Variants in RIMKLB observed in about 807,000 individuals in gnomAD.
The protein encoded by RIMKLB is beta-citrylglutamate synthase B.
A neutral mutation model predicts 32.0 loss-of-function variants in RIMKLB; 7 were observed. The ratio of observed to expected loss-of-function variants is 0.22; its 90% confidence interval spans 0.12 to 0.41. The LOEUF (loss-of-function observed/expected upper bound fraction) is 0.41, where lower values mean the gene tolerates loss of function less well. RIMKLB is among the 10% of genes least tolerant of loss of function. RIMKLB has a pLI of 1.00. For synonymous variants in RIMKLB, 172 were observed against 185.1 expected (o/e 0.93, Z 0.57); for missense variants, 289 against 498.7 (o/e 0.58, Z 4.00).
At chr12:8,706,882 T>G (rs1220407826) in intron 1 of RIMKLB, among the ~76,000 whole-genome samples, 1 of 152,130 alleles carries the variant, frequency 6.6e-6, no homozygotes, top group Admixed American at 6.5e-5. Context: ...GGGTCAGTGG[T>G]TCAGAAGGAA....
At position 8,711,289 on chromosome 12, in the gene RIMKLB, G is replaced by A. The variant is rs114922534; in HGVS notation, c.-56-2522G>A. Reference sequence around the variant, plus strand: ...TTTGCTCCTGTCATCTCAGCTACTTGGGAGGCAGAGGAGACAGGTGGATCA... The same window carrying A: ...TTTGCTCCTGTCATCTCAGCTACTTAGGAGGCAGAGGAGACAGGTGGATCA... On this transcript the variant is annotated intron_variant, in intron 1 of 5. Transcript: ENST00000535829. Among the ~76,000 whole-genome samples the A allele has an allele frequency of 7.3e-3, 1,111 of 151,978 alleles. 11 individuals carry two copies. Among genetic ancestry groups the A allele is most frequent in the African/African-American group, 0.026 (1,073 of 41,408 alleles).
At chr12:8,698,994 C>T (rs1943137629) in intron 1 of RIMKLB, among the ~76,000 whole-genome samples, 1 of 151,736 alleles carries the variant, frequency 6.6e-6, no homozygotes, top group Non-Finnish European at 1.5e-5. Flanking sequence ...GTAATAATTT[C>T]AATCTCCCCT....
At chr12:8,734,446 A>G (rs1459508771) in intron 2 of RIMKLB, among the ~76,000 whole-genome samples, 1 of 152,226 alleles carries the variant, frequency 6.6e-6, no homozygotes, top group Non-Finnish European at 1.5e-5. Flanking sequence ...TCTTATGAGC[A>G]GGAAGTTAGT....
At position 8,774,711 on chromosome 12, in the gene RIMKLB, T is replaced by C. The variant is rs760197545; in HGVS notation, c.*927T>C. ...TTGAAACATGTACATTTAAAGCCTT[T>C]TATTTTTTCCCTTTTTGTTTTGGTA... is the stretch of plus-strand genomic sequence containing the variant. On this transcript the variant is annotated 3_prime_UTR_variant, in exon 6 of 6. Transcript: ENST00000535829. The C allele has an allele frequency of 2.0e-6, 2 of 985,842 alleles. No homozygotes were observed. The highest frequency in any genetic ancestry group is 2.4e-6 in the Non-Finnish European group (2 of 829,892). 61.1% of individuals were successfully genotyped at this position (985,842 alleles called of 1,614,324 possible). A position where few individuals can be genotyped will look rare whatever the true frequency, so the allele number is the denominator to read the frequency against.
chr12:8,775,450 ATTTTTT>A lies in RIMKLB; in HGVS notation c.*1667_*1672del. The A allele has an allele frequency of 5.1e-6, 5 of 985,640 alleles. No individual in the cohort carries two copies. Among genetic ancestry groups the A allele is most frequent in the Non-Finnish European group, 6.0e-6 (5 of 829,896 alleles). The allele number at this position is 985,640 out of a possible 1,614,324, so 61.1% of individuals were successfully genotyped here. On this transcript the variant is annotated 3_prime_UTR_variant, in exon 6 of 6. Coordinates refer to ENST00000535829, the MANE Select transcript of RIMKLB (RefSeq NM_001297776.2). ...TGGAGATGCTGCAGAGCCCAACGTA[ATTTTTT>A]AAACAGCAAGTTTTCCATCTCCCTA...
Position 8,728,906 on chromosome 12 carries a change from C to G in RIMKLB, c.175+14865C>G, listed in dbSNP as rs150353216. Among the ~76,000 whole-genome samples, 626 of 152,218 alleles carry G rather than the reference C, an allele frequency of 4.1e-3. 8 individuals carry two copies. Among genetic ancestry groups the G allele is most frequent in the African/African-American group, 0.014 (591 of 41,530 alleles). Reference sequence around the variant, plus strand: ...CCTGCCTCTGAAGCAGAGTATCTCCCTGACCGCTTTGTGGGATGGGAACTG... The same window carrying G: ...CCTGCCTCTGAAGCAGAGTATCTCCGTGACCGCTTTGTGGGATGGGAACTG... On this transcript the variant is annotated intron_variant, in intron 2 of 5. Transcript: ENST00000535829.
At chr12:8,674,962 C>T in the RIMKLB span, among the ~76,000 whole-genome samples, 1 of 149,852 alleles carries the variant, frequency 6.7e-6, no homozygotes, top group Non-Finnish European at 1.5e-5. Flanking sequence ...CTCCTGGGTT[C>T]AAGCAATTCT....
intron 1 of RIMKLB, among the ~76,000 whole-genome samples, chr12:8,710,009 G>C (rs1944229757): frequency 6.6e-6 from 1 of 152,116 alleles, no homozygotes; most frequent in African/African-American, 2.4e-5. Flanking sequence ...TTTGTTTTGA[G>C]ATGGAGTCTT....
At chr12:8,752,559 G>A (rs886178473) in intron 4 of RIMKLB, among the ~76,000 whole-genome samples, 3 of 152,082 alleles carry the variant, frequency 2.0e-5, no homozygotes, top group African/African-American at 7.2e-5. Flanking sequence ...CTAAAAAAGG[G>A]CAAAGAAACA....
intron 2 of RIMKLB, among the ~76,000 whole-genome samples, chr12:8,738,464 A>G (rs1335090044): frequency 3.3e-5 from 5 of 152,216 alleles, no homozygotes; most frequent in African/African-American, 1.2e-4. Context: ...CTCATTTTGA[A>G]AATGCAGTAA....
chr12:8,774,840 A>G lies in RIMKLB; in HGVS notation c.*1056A>G, dbSNP rs1018351967. 1.0e-6 allele frequency: 1 copy of G among 985,640 alleles called. No individual in the cohort carries two copies. Among genetic ancestry groups the G allele is most frequent in the South Asian group, 4.7e-5 (1 of 21,286 alleles). 61.1% of individuals were successfully genotyped at this position (985,640 alleles called of 1,614,324 possible). A position where few individuals can be genotyped will look rare whatever the true frequency, so the allele number is the denominator to read the frequency against. On this transcript the variant is annotated 3_prime_UTR_variant, in exon 6 of 6. Coordinates refer to ENST00000535829, the MANE Select transcript of RIMKLB (RefSeq NM_001297776.2). ...AAGTGATTTCGAATGCCAGCGTTAT[A>G]TATTTGCATTTTTCACATTTTACGA... is the stretch of plus-strand genomic sequence containing the variant.
chr12:8,759,433 C>CT (rs1167668532), intron 5 of RIMKLB, among the ~76,000 whole-genome samples: 2 of 152,120 alleles, frequency 1.3e-5, no homozygotes, highest in Admixed American at 6.5e-5. Flanking sequence ...AAGCCCATAA[C>CT]TTTTTGCATT....
At chr12:8,780,160 T>C (rs1409472852), downstream of RIMKLB, 2 of 152,332 alleles carry the variant, frequency 1.3e-5, no homozygotes, top group South Asian at 2.1e-4. Context: ...TAAAAAACTT[T>C]TATATTGCTG....
At chr12:8,699,568 C>T (rs1405756690) in intron 1 of RIMKLB, among the ~76,000 whole-genome samples, 1 of 151,952 alleles carries the variant, frequency 6.6e-6, no homozygotes, top group African/African-American at 2.4e-5. Flanking sequence ...ATTTCTTTTC[C>T]AATGGTTACT....
chr12:8,700,302 T>TCCCC, intron 1 of RIMKLB: 2 of 152,332 alleles, frequency 1.3e-5, no homozygotes, highest in South Asian at 4.1e-4. Flanking sequence ...TCTTTTAAAA[T>TCCCC]ATCTCCCAAT....
intron 2 of RIMKLB, chr12:8,742,548 A>G (rs1947657133): frequency 1.1e-5 from 4 of 355,372 alleles, no homozygotes; most frequent in South Asian, 2.4e-5. Flanking sequence ...ATATGTATCT[A>G]TAAAAGAAAA....
At position 8,687,421 on chromosome 12, in the gene RIMKLB, C is replaced by T. The variant is rs536145453; in HGVS notation, n.219+5603C>T. On this transcript the variant is annotated intron_variant and non_coding_transcript_variant, in intron 1 of 1. Coordinates refer to the RIMKLB transcript ENST00000538758. ...GTTAACTTTTTCTTAGTATCTCCAT[C>T]CTCCTTCTGTGGTCACTTCTGAAAC... is the stretch of plus-strand genomic sequence containing the variant. Among the ~76,000 whole-genome samples the T allele has an allele frequency of 1.7e-3, 252 of 152,284 alleles. 1 individual carries two copies. The highest frequency in any genetic ancestry group is 3.0e-3 in the Non-Finnish European group (201 of 68,016).
chr12:8,748,902 G>A (rs1227173572), intron 2 of RIMKLB, among the ~76,000 whole-genome samples: 1 of 152,078 alleles, frequency 6.6e-6, no homozygotes, highest in Non-Finnish European at 1.5e-5. Flanking sequence ...CCATGCCACT[G>A]CACTCCAGCC....
In RIMKLB at chr12:8,776,978, G is replaced by A. The variant is rs757064024; in HGVS notation, c.*3194G>A. On this transcript the variant is annotated 3_prime_UTR_variant, in exon 6 of 6. Transcript: ENST00000535829. ...GAGACATTGTGAAATCAAATCTTGT[G>A]TTATACTTTTCTCCTGGCTCACTTT... The A allele has an allele frequency of 2.8e-5, 28 of 985,692 alleles. No homozygotes were observed. The highest frequency in any genetic ancestry group is 3.3e-5 in the Non-Finnish European group (27 of 829,916). The allele number at this position is 985,692 out of a possible 1,614,324, so 61.1% of individuals were successfully genotyped here. A position where few individuals can be genotyped will look rare whatever the true frequency, so the allele number is the denominator to read the frequency against.
Sources: allele counts gnomAD v4.1 joint callset (sites outside exome capture counted in the v4.1 genomes callset), GRCh38; gene constraint gnomAD v4.1.1; transcripts MANE v1.5; gene names NCBI Gene and HGNC (gene_info 2026-07-23, HGNC 2026-07-21).